Variants in PSPC1 observed in about 807,000 individuals in gnomAD.
The protein encoded by PSPC1 is paraspeckle protein 1.
In PSPC1, 14 loss-of-function variants were observed where a neutral mutation model predicts 51.6. The observed-to-expected ratio is 0.27, with a 90% confidence interval of 0.18 to 0.42. The LOEUF (loss-of-function observed/expected upper bound fraction) is 0.42. Among genes scored for constraint, PSPC1 ranks in the 10% least tolerant of loss-of-function variants. PSPC1 has a pLI of 1.00. For missense variants in PSPC1, 406 were observed against 701.1 expected, an observed-to-expected ratio of 0.58 and a Z score of 4.75; for synonymous variants, 193 against 231.9, an observed-to-expected ratio of 0.83 and a Z score of 1.53.
Position 19,703,129 on chromosome 13 carries a change from T to C in PSPC1, c.*46A>G, listed in dbSNP as rs1266458007. On this transcript the variant is annotated 3_prime_UTR_variant, in exon 9 of 9. Transcript: ENST00000338910. ...GATAACAGGTAAAAGTATAAAGGCATACCACTGACTTTTTTTTTTCTAGAT... is the reference window on the plus strand; with the variant it reads ...GATAACAGGTAAAAGTATAAAGGCACACCACTGACTTTTTTTTTTCTAGAT... 4.4e-6 allele frequency: 7 copies of C among 1,580,746 alleles called. No individual in the cohort carries two copies. The highest frequency in any genetic ancestry group is 2.2e-5 in the South Asian group (2 of 89,640).
At chr13:19,689,386 AGATTAG>A (rs1405557456) in intron 6 of PSPC1, among the ~76,000 whole-genome samples, 5 of 152,344 alleles carry the variant, frequency 3.3e-5, no homozygotes, top group Admixed American at 1.3e-4. Flanking sequence ...TTCATACTAT[AGATTAG>A]CTATATAGAA....
At chr13:19,671,936 C>A, downstream of PSPC1, 1 of 1,535,700 alleles carries the variant, frequency 6.5e-7, no homozygotes, top group Non-Finnish European at 9.0e-7. Context: ...TCTTTGACAG[C>A]AGTTTGGAAT....
chr13:19,707,820 G>T (rs527529901), intron 7 of PSPC1, among the ~76,000 whole-genome samples: 1 of 152,080 alleles, frequency 6.6e-6, no homozygotes, highest in African/African-American at 2.4e-5. Context: ...TTCTAATAAT[G>T]ATAACAGCCT....
At chr13:19,765,031 C>T (rs1425446681) in intron 2 of PSPC1, among the ~76,000 whole-genome samples, 1 of 151,946 alleles carries the variant, frequency 6.6e-6, no homozygotes, top group Admixed American at 6.6e-5. Context: ...TAGACATGTA[C>T]CATTTTGTGA....
chr13:19,728,099 T>C (rs947053253), intron 6 of PSPC1, among the ~76,000 whole-genome samples: 1 of 152,132 alleles, frequency 6.6e-6, no homozygotes, highest in Non-Finnish European at 1.5e-5. Context: ...TATATTCCCA[T>C]GTGTCATAAA....
chr13:19,715,086 A>G (rs1161514108), intron 6 of PSPC1, among the ~76,000 whole-genome samples: 1 of 152,238 alleles, frequency 6.6e-6, no homozygotes, highest in African/African-American at 2.4e-5. Flanking sequence ...GCAAAAATGT[A>G]CAAGAAAGCG....
At chr13:19,772,188 G>T in intron 2 of PSPC1, 54 bp downstream of exon 2, 2 of 1,542,218 alleles carry the variant, frequency 1.3e-6, no homozygotes, top group South Asian at 1.3e-5. Context: ...TTCCAAAACA[G>T]AGAGAAGCCC....
chr13:19,682,507 G>C (rs1043150786), intron 6 of PSPC1, among the ~76,000 whole-genome samples: 6 of 115,504 alleles, frequency 5.2e-5, no homozygotes, highest in African/African-American at 2.0e-4. Flanking sequence ...AAAAAAAAAA[G>C]CAGTATATAA....
At chr13:19,700,593 A>C (rs1464675661), downstream of PSPC1, among the ~76,000 whole-genome samples, 1 of 152,064 alleles carries the variant, frequency 6.6e-6, no homozygotes. Flanking sequence ...GGAAATTCCA[A>C]CAACATAGAG....
intron 6 of PSPC1, among the ~76,000 whole-genome samples, chr13:19,715,872 G>C (rs1170101983): frequency 6.6e-6 from 1 of 152,014 alleles, no homozygotes; most frequent in African/African-American, 2.4e-5. Context: ...AAATTAGCTG[G>C]GCATGGTGGA....
intron 5 of PSPC1, among the ~76,000 whole-genome samples, chr13:19,731,928 A>AT: frequency 6.6e-6 from 1 of 152,244 alleles, no homozygotes; most frequent in Non-Finnish European, 1.5e-5. Context: ...TGAAGGCTAT[A>AT]TAAAGCTGAT....
intron 6 of PSPC1, among the ~76,000 whole-genome samples, chr13:19,728,439 A>AACACACAC (rs56662113): frequency 0.035 from 5,073 of 144,218 alleles, 178 homozygotes; most frequent in African/African-American, 0.079. Flanking sequence ...TCAAAGCTTA[A>AACACACAC]ACACACACAC....
Position 19,772,220 on chromosome 13 carries a change from G to A in PSPC1, c.674+22C>T, listed in dbSNP as rs375392704. ...GCCCATATGTAACTGGATAGAAGAA[G>A]GACAAGATATTTAAAACTTACGTTG... is the stretch of plus-strand genomic sequence containing the variant. On this transcript the variant is annotated intron_variant, in intron 2 of 8. Coordinates refer to ENST00000338910, the MANE Select transcript of PSPC1 (RefSeq NM_001354909.2). 1.2e-5 allele frequency: 19 copies of A among 1,603,276 alleles called. No homozygotes were observed. In the African/African-American group the frequency reaches 2.4e-4, roughly 20 times the overall value.
chr13:19,782,744 C>T lies in PSPC1; in HGVS notation c.14G>A (p.Gly5Glu), dbSNP rs767848838. The stretch of plus-strand genomic sequence containing the variant: ...CTCAATGCGCACTTGCTTCAGGTTT[C>T]CTCTTAACATCATCTTACTGAGTTC... MMLRGNLKQVRIEKN... is the reference protein window; with the variant it reads MMLRENLKQVRIEKN... Residue 5 changes from glycine (G) to glutamate (E), a missense_variant, in exon 1 of 9, where the codon GGA (glycine) becomes GAA (glutamate). Gly to Glu is a moderately conservative substitution (Grantham distance 98). This residue lies in a region of PSPC1 where 128 missense variants were observed against 107.1 expected (regional missense o/e 1.20). Transcript: ENST00000338910. The surrounding 1 kb of genome is among the most constrained non-coding windows in gnomAD (Gnocchi z 4.5). 3 of 1,561,054 alleles carry T rather than the reference C, an allele frequency of 1.9e-6. No homozygotes were observed. The highest frequency in any genetic ancestry group is 2.6e-6 in the Non-Finnish European group (3 of 1,167,016).
downstream of PSPC1, chr13:19,671,440 TCA>T: frequency 3.0e-6 from 2 of 664,592 alleles, no homozygotes; most frequent in Non-Finnish European, 2.6e-6. Flanking sequence ...GCACCCTCTC[TCA>T]GTTTACAATG....
intron 6 of PSPC1, among the ~76,000 whole-genome samples, chr13:19,691,769 T>A (rs1330735650): frequency 6.6e-6 from 1 of 151,866 alleles, no homozygotes; most frequent in East Asian, 1.9e-4. Context: ...AACACAAATA[T>A]CAGCCGGGGA....
chr13:19,715,037 T>C (rs565929754), intron 6 of PSPC1, among the ~76,000 whole-genome samples: 5 of 152,274 alleles, frequency 3.3e-5, no homozygotes, highest in African/African-American at 9.6e-5. Context: ...AACAACACCA[T>C]TCTTCCCACT....
chr13:19,698,508 G>A (rs1879514901), downstream of PSPC1, among the ~76,000 whole-genome samples: 1 of 151,848 alleles, frequency 6.6e-6, no homozygotes, highest in East Asian at 1.9e-4. Context: ...AATGAAATGT[G>A]TTCAAACTAA....
At chr13:19,672,028 A>G (rs978591844), downstream of PSPC1, 4 of 717,532 alleles carry the variant, frequency 5.6e-6, no homozygotes, top group Admixed American at 9.7e-5. Context: ...GTAAGATGCG[A>G]CATAGCTGTG....
Sources: allele counts gnomAD v4.1 joint callset (sites outside exome capture counted in the v4.1 genomes callset), GRCh38; gene constraint gnomAD v4.1.1; regional missense constraint gnomAD v4.1.1; non-coding constraint Gnocchi (gnomAD v3.1); transcripts MANE v1.5; gene names NCBI Gene and HGNC (gene_info 2026-07-23, HGNC 2026-07-21).